Variants in ERC2 observed in about 807,000 individuals in gnomAD.
ERC2 encodes ELKS/RAB6-interacting/CAST family member 2.
ERC2 carries 42 observed loss-of-function variants against 114.8 expected under a neutral mutation model. That is an observed-to-expected ratio of 0.37 (90% CI 0.29 to 0.47). The LOEUF (loss-of-function observed/expected upper bound fraction) is 0.47, where lower values mean the gene tolerates loss of function less well. Among genes scored for constraint, ERC2 ranks in the 20% least tolerant of loss-of-function variants. The pLI, the probability that ERC2 is intolerant of heterozygous loss-of-function variation, is 0.99. For synonymous variants in ERC2, 454 were observed against 425.5 expected, an observed-to-expected ratio of 1.07 and a Z score of -0.82; for missense variants, 939 against 1,150.7, an observed-to-expected ratio of 0.82 and a Z score of 2.66.
At chr3:56,362,094 A>C (rs1343336406) in intron 2 of ERC2, among the ~76,000 whole-genome samples, 1 of 152,228 alleles carries the variant, frequency 6.6e-6, no homozygotes, top group Non-Finnish European at 1.5e-5. Context: ...TTTCCCGGTA[A>C]GACAAGGTAG....
At chr3:56,227,537 G>C (rs776097112) in intron 3 of ERC2, among the ~76,000 whole-genome samples, 1 of 151,620 alleles carries the variant, frequency 6.6e-6, no homozygotes, top group African/African-American at 2.4e-5. Context: ...GTGCCCTCCC[G>C]AACAGAAGCC....
At chr3:55,750,133 G>A (rs1161085904) in intron 14 of ERC2, among the ~76,000 whole-genome samples, 5 of 149,996 alleles carry the variant, frequency 3.3e-5, no homozygotes, top group African/African-American at 1.2e-4. Flanking sequence ...AATGGGTAAG[G>A]CTTGCAAACT....
At chr3:56,031,079 T>A (rs527391328) in intron 7 of ERC2, among the ~76,000 whole-genome samples, 32 of 151,950 alleles carry the variant, frequency 2.1e-4, no homozygotes, top group African/African-American at 7.5e-4. Context: ...CCAGTGAGGA[T>A]CAGCACTAGG....
At chr3:56,010,334 A>G in intron 9 of ERC2, 115 bp downstream of exon 9, 7 of 1,273,818 alleles carry the variant, frequency 5.5e-6, no homozygotes, top group Non-Finnish European at 7.5e-6. Context: ...AAAGGTTACT[A>G]CATTCCCCAA....
intron 2 of ERC2, among the ~76,000 whole-genome samples, chr3:56,318,611 A>ATT (rs1401973027): frequency 6.6e-6 from 1 of 151,976 alleles, no homozygotes; most frequent in Non-Finnish European, 1.5e-5. Flanking sequence ...AGACAACCTG[A>ATT]TTTTAAAATG....
intron 14 of ERC2, among the ~76,000 whole-genome samples, chr3:55,794,329 C>T (rs1341662868): frequency 2.0e-5 from 3 of 152,082 alleles, no homozygotes; most frequent in Non-Finnish European, 4.4e-5. Flanking sequence ...GCTCTGGCTG[C>T]CAGGGAGTTC....
At chr3:55,653,564 AGTGTGTGTGTGT>A (rs36231107) in intron 17 of ERC2, among the ~76,000 whole-genome samples, 2,385 of 141,230 alleles carry the variant, frequency 0.017, 41 homozygotes, top group South Asian at 0.067. Flanking sequence ...ACCTGGTAAA[AGTGTGTGTGTGT>A]GTGTGTGTGT....
intron 17 of ERC2, among the ~76,000 whole-genome samples, chr3:55,515,390 T>C (rs987586517): frequency 6.6e-6 from 1 of 152,076 alleles, no homozygotes; most frequent in African/African-American, 2.4e-5. Flanking sequence ...TATTTTGAGA[T>C]GGAGTCTCTC....
chr3:56,125,503 G>A (rs1053112368), intron 6 of ERC2, among the ~76,000 whole-genome samples: 4 of 152,160 alleles, frequency 2.6e-5, no homozygotes, highest in Admixed American at 6.5e-5. Context: ...CTGACTAAAT[G>A]GAGTGAGTCA....
intron 17 of ERC2, among the ~76,000 whole-genome samples, chr3:55,530,785 C>A (rs1339705706): frequency 1.3e-5 from 2 of 152,180 alleles, no homozygotes; most frequent in Admixed American, 1.3e-4. Flanking sequence ...TTGCTCATCA[C>A]TGGGAAATCA....
intron 3 of ERC2, among the ~76,000 whole-genome samples, chr3:56,259,675 ATATG>A (rs2052780776): frequency 1.3e-5 from 2 of 151,952 alleles, no homozygotes; most frequent in Non-Finnish European, 2.9e-5. Context: ...ATATGATATG[ATATG>A]ATATGATATG....
chr3:56,213,524 G>A (rs546488947), intron 3 of ERC2, among the ~76,000 whole-genome samples: 141 of 152,300 alleles, frequency 9.3e-4, no homozygotes, highest in East Asian at 1.5e-3. Flanking sequence ...CAGGAAGCTC[G>A]AACTGGGTGG....
intron 14 of ERC2, among the ~76,000 whole-genome samples, chr3:55,843,666 C>T (rs1426782617): frequency 1.3e-5 from 2 of 152,292 alleles, no homozygotes; most frequent in East Asian, 1.9e-4. Context: ...GGAATGTTTG[C>T]AGGGAGGACT....
chr3:55,545,544 C>G (rs139759490), intron 17 of ERC2, among the ~76,000 whole-genome samples: 19 of 152,312 alleles, frequency 1.2e-4, no homozygotes, highest in African/African-American at 4.6e-4. Flanking sequence ...ATCTCAGTAA[C>G]TGAGGAACAA....
chr3:56,260,803 T>A (rs2052867847), intron 3 of ERC2, among the ~76,000 whole-genome samples: 1 of 152,236 alleles, frequency 6.6e-6, no homozygotes, highest in Non-Finnish European at 1.5e-5. Flanking sequence ...AGCAGCTGCA[T>A]CTTGTTCCCA....
chr3:55,713,026 T>C (rs1268630274), intron 15 of ERC2, among the ~76,000 whole-genome samples: 1 of 152,020 alleles, frequency 6.6e-6, no homozygotes, highest in Non-Finnish European at 1.5e-5. Flanking sequence ...TTTTACCATC[T>C]GCTGTGCAAT....
chr3:55,880,117 C>A (rs566848232), intron 14 of ERC2, among the ~76,000 whole-genome samples: 30 of 152,266 alleles, frequency 2.0e-4, no homozygotes, highest in African/African-American at 7.2e-4. Context: ...TCTCGTGCCT[C>A]CTTTCTGCTG....
intron 14 of ERC2, among the ~76,000 whole-genome samples, chr3:55,784,433 T>TGCCTA (rs2069314298): frequency 6.6e-6 from 1 of 152,198 alleles, no homozygotes; most frequent in African/African-American, 2.4e-5. Context: ...TTTAGGGGAC[T>TGCCTA]GTGTAAAAAA....
chr3:55,804,844 G>A (rs1297473466), intron 14 of ERC2, among the ~76,000 whole-genome samples: 1 of 151,948 alleles, frequency 6.6e-6, no homozygotes, highest in African/African-American at 2.4e-5. Flanking sequence ...TTCCTGCTTG[G>A]ACCAGGTACC....
Sources: gnomAD v4.1 joint callset for allele counts (sites outside exome capture counted in the v4.1 genomes callset) on GRCh38, gnomAD v4.1.1 for gene constraint, MANE v1.5 for transcripts, NCBI Gene and HGNC (gene_info 2026-07-23, HGNC 2026-07-21) for gene names.